Variants in CEP128 observed in about 807,000 individuals in gnomAD.
The protein encoded by CEP128 is centrosomal protein 128kDa.
CEP128 carries 132 observed loss-of-function variants against 156.7 expected under a neutral mutation model. That is an observed-to-expected ratio of 0.84 (90% CI 0.73 to 0.97). The LOEUF (loss-of-function observed/expected upper bound fraction) is 0.97, where lower values mean the gene tolerates loss of function less well. Ranked by LOEUF, CEP128 falls within the 50% of genes least tolerant of loss-of-function variation. The pLI is 0.00. For missense variants in CEP128, 1,252 were observed against 1,281.9 expected, an observed-to-expected ratio of 0.98 and a Z score of 0.36; for synonymous variants, 469 against 448.9, an observed-to-expected ratio of 1.04 and a Z score of -0.57.
intron 17 of CEP128, 123 bp downstream of exon 17, chr14:80,761,314 T>C (rs934609870): frequency 1.5e-5 from 11 of 710,936 alleles, no homozygotes; most frequent in Middle Eastern, 4.1e-4. Context: ...AAATGCAAAA[T>C]GTTATTTTGT....
At chr14:80,888,079 G>A (rs1258110987) in intron 8 of CEP128, among the ~76,000 whole-genome samples, 3 of 152,108 alleles carry the variant, frequency 2.0e-5, no homozygotes, top group Non-Finnish European at 2.9e-5. Flanking sequence ...ACTAAACCAG[G>A]AAGAAGTTGA....
chr14:80,502,524 T>C (rs1887785696), intron 24 of CEP128, among the ~76,000 whole-genome samples: 1 of 152,194 alleles, frequency 6.6e-6, no homozygotes, highest in Non-Finnish European at 1.5e-5. Flanking sequence ...CTTTTTCTTT[T>C]TCTTCTCCTT....
intron 20 of CEP128, among the ~76,000 whole-genome samples, chr14:80,569,840 C>G (rs1478057037): frequency 2.0e-5 from 3 of 152,042 alleles, no homozygotes; most frequent in African/African-American, 7.2e-5. Flanking sequence ...GGTTGGTCAG[C>G]TTACATCCCT....
chr14:80,595,796 A>C (rs976855110), intron 19 of CEP128, among the ~76,000 whole-genome samples: 2 of 152,182 alleles, frequency 1.3e-5, no homozygotes, highest in African/African-American at 2.4e-5. Context: ...GAGGCCTCAC[A>C]ATCATGGCAG....
intron 13 of CEP128, among the ~76,000 whole-genome samples, chr14:80,827,103 A>AAT (rs1320434152): frequency 6.6e-6 from 1 of 152,168 alleles, no homozygotes; most frequent in Non-Finnish European, 1.5e-5. Context: ...AACTGCTTGA[A>AAT]ATATATATTC....
intron 19 of CEP128, among the ~76,000 whole-genome samples, chr14:80,588,576 T>A (rs1225104904): frequency 6.6e-6 from 1 of 152,094 alleles, no homozygotes; most frequent in South Asian, 2.1e-4. Flanking sequence ...ATTTAAATCT[T>A]CAGTTTTAAA....
At chr14:80,493,043 C>A (rs1887376810), downstream of CEP128, among the ~76,000 whole-genome samples, 1 of 152,040 alleles carries the variant, frequency 6.6e-6, no homozygotes, top group Non-Finnish European at 1.5e-5. Flanking sequence ...TGACACAGAG[C>A]TCCAATATCT....
intron 1 of CEP128, among the ~76,000 whole-genome samples, chr14:80,940,704 G>A (rs2888046): frequency 0.55 from 83,013 of 151,260 alleles, 23,359 homozygotes; most frequent in East Asian, 0.68. Context: ...ATCTCAATAA[G>A]TTTTATATTT....
At chr14:80,745,876 AT>A (rs1456657285) in intron 18 of CEP128, among the ~76,000 whole-genome samples, 5 of 152,048 alleles carry the variant, frequency 3.3e-5, no homozygotes, top group Admixed American at 6.5e-5. Flanking sequence ...CATTAAAAAA[AT>A]CTATTAGAAC....
At chr14:80,483,525 C>A (rs953906993) in intron 14 of CEP128, among the ~76,000 whole-genome samples, 1 of 152,142 alleles carries the variant, frequency 6.6e-6, no homozygotes, top group African/African-American at 2.4e-5. Flanking sequence ...AAGAACAACA[C>A]GGCGATGTGA....
At chr14:80,489,689 TG>T (rs1394773210), downstream of CEP128, among the ~76,000 whole-genome samples, 2 of 150,356 alleles carry the variant, frequency 1.3e-5, no homozygotes. Context: ...GAGGAGAAAG[TG>T]AATCAGCCAG....
At chr14:80,839,454 T>C (rs1000475038) in intron 10 of CEP128, among the ~76,000 whole-genome samples, 15 of 152,078 alleles carry the variant, frequency 9.9e-5, no homozygotes, top group Admixed American at 8.5e-4. Flanking sequence ...CTGACGGTGG[T>C]AGTGGTAACA....
intron 19 of CEP128, among the ~76,000 whole-genome samples, chr14:80,655,707 T>C (rs987088260): frequency 2.0e-5 from 3 of 152,124 alleles, no homozygotes; most frequent in Non-Finnish European, 4.4e-5. Flanking sequence ...CCCTTTGGGA[T>C]TGTTTCGCTG....
chr14:80,798,785 TC>T (rs911637571), intron 13 of CEP128, among the ~76,000 whole-genome samples: 53 of 152,304 alleles, frequency 3.5e-4, no homozygotes, highest in African/African-American at 1.3e-3. Context: ...CAATAACTAC[TC>T]ATTTGTTCAC....
chr14:80,846,601 A>G (rs1886614611), intron 9 of CEP128, among the ~76,000 whole-genome samples: 3 of 152,184 alleles, frequency 2.0e-5, no homozygotes, highest in Admixed American at 2.0e-4. Flanking sequence ...GATAACATAC[A>G]TGGTAGAATT....
chr14:80,546,702 T>G (rs1368365404), intron 21 of CEP128, among the ~76,000 whole-genome samples: 1 of 152,186 alleles, frequency 6.6e-6, no homozygotes, highest in African/African-American at 2.4e-5. Flanking sequence ...TCTGCTGTGA[T>G]AGAAAGCATA....
chr14:80,554,288 A>G (rs1400530411), intron 21 of CEP128, among the ~76,000 whole-genome samples: 1 of 152,146 alleles, frequency 6.6e-6, no homozygotes, highest in African/African-American at 2.4e-5. Context: ...AATCTTTTGT[A>G]TATATTTTTG....
At chr14:80,480,749 G>A (rs887492711) in intron 14 of CEP128, among the ~76,000 whole-genome samples, 10 of 152,114 alleles carry the variant, frequency 6.6e-5, no homozygotes, top group Admixed American at 2.0e-4. Context: ...TTGCTGCTTA[G>A]AAATTTCTTC....
At chr14:80,723,915 C>T (rs1438959122) in intron 19 of CEP128, among the ~76,000 whole-genome samples, 2 of 152,188 alleles carry the variant, frequency 1.3e-5, no homozygotes, top group Non-Finnish European at 2.9e-5. Context: ...GAAGTTTTAG[C>T]AAATAGTAAC....
Sources: gnomAD v4.1 joint callset for allele counts (sites outside exome capture counted in the v4.1 genomes callset) on GRCh38, gnomAD v4.1.1 for gene constraint, MANE v1.5 for transcripts, NCBI Gene and HGNC (gene_info 2026-07-23, HGNC 2026-07-21) for gene names.